The following D2HGDH variants were observed in gnomAD, a reference collection of about 807,000 sequenced individuals.
The protein encoded by D2HGDH is D-2-hydroxyglutarate dehydrogenase, mitochondrial.
A neutral mutation model predicts 46.9 loss-of-function variants in D2HGDH; 31 were observed. The observed-to-expected ratio is 0.66, with a 90% confidence interval of 0.50 to 0.89. The LOEUF (loss-of-function observed/expected upper bound fraction) is 0.89. D2HGDH is among the 40% of genes least tolerant of loss of function. The probability of loss-of-function intolerance (pLI) is 0.00; values close to 1 mark genes in which losing one functional copy is unlikely to be tolerated. For synonymous variants in D2HGDH, 364 were observed against 332.6 expected (o/e 1.09, Z -1.03); for missense variants, 698 against 720.8 (o/e 0.97, Z 0.36).
chr2:241,736,670 C>CTTTT (rs768906916), intron 2 of D2HGDH, among the ~76,000 whole-genome samples: 1 of 147,400 alleles, frequency 6.8e-6, no homozygotes, highest in Non-Finnish European at 1.5e-5. Context: ...ACCGTTTATC[C>CTTTT]GTTTTTTTTT....
intron 6 of D2HGDH, among the ~76,000 whole-genome samples, chr2:241,745,194 G>A (rs1290289372): frequency 6.6e-6 from 1 of 152,168 alleles, no homozygotes; most frequent in Non-Finnish European, 1.5e-5. Context: ...TAAGGTTGAG[G>A]GACATGCTGT....
intron 9 of D2HGDH, among the ~76,000 whole-genome samples, chr2:241,763,285 G>A (rs916851525): frequency 2.6e-5 from 4 of 152,252 alleles, no homozygotes; most frequent in African/African-American, 9.6e-5. Context: ...GCTGTGTGGT[G>A]TAGCCATTGC....
At chr2:241,759,868 TTC>T (rs1350832152) in intron 9 of D2HGDH, among the ~76,000 whole-genome samples, 1 of 152,292 alleles carries the variant, frequency 6.6e-6, no homozygotes, top group Non-Finnish European at 1.5e-5. Context: ...TGATGGTGAA[TTC>T]TCTGCGTCCA....
At chr2:241,754,112 G>A (rs546894503) in intron 8 of D2HGDH, among the ~76,000 whole-genome samples, 1 of 152,374 alleles carries the variant, frequency 6.6e-6, no homozygotes, top group African/African-American at 2.4e-5. Flanking sequence ...GGAGCTGAGT[G>A]ACTGAGGCGT....
chr2:241,739,559 G>C (rs1194989455), intron 2 of D2HGDH, among the ~76,000 whole-genome samples: 4 of 152,358 alleles, frequency 2.6e-5, no homozygotes, highest in East Asian at 1.9e-4. Context: ...GAGGTGACAG[G>C]CTCCCGTGAC....
chr2:241,743,365 G>A lies in D2HGDH; in HGVS notation c.491-257G>A, dbSNP rs1244539519. 6.6e-6 allele frequency among the ~76,000 whole-genome samples: 1 copy of A among 152,228 alleles called. No homozygotes were observed. The highest frequency in any genetic ancestry group is 6.5e-5 in the Admixed American group (1 of 15,282). The stretch of plus-strand genomic sequence containing the variant: ...CTTCTACTCCTTTCCACGAGTGTGT[G>A]TGGGGGTGGGAAGTTTTTTCCTCTC... On this transcript the variant is annotated intron_variant, in intron 4 of 9. Coordinates refer to ENST00000321264, the MANE Select transcript of D2HGDH (RefSeq NM_152783.5). This position sits in a 1 kb window ranked among gnomAD's most constrained non-coding sequence, Gnocchi z 4.8.
chr2:241,735,108 T>G, intron 1 of D2HGDH, 25 bp from the exon 2 acceptor site: 12 of 1,123,356 alleles, frequency 1.1e-5, no homozygotes, highest in South Asian at 1.8e-5. Flanking sequence ...GCATAAAACA[T>G]GAAATTACCC....
At chr2:241,751,820 G>T (rs1697257729) in intron 8 of D2HGDH, among the ~76,000 whole-genome samples, 1 of 152,172 alleles carries the variant, frequency 6.6e-6, no homozygotes, top group Admixed American at 6.5e-5. Flanking sequence ...TAGGAGGAAG[G>T]GGCGTTGACT....
rs1447354539 is a variant in D2HGDH at position 241,755,610 on chromosome 2, G to A, written c.1141-239G>A. 3 of 1,516,390 alleles carry A rather than the reference G, an allele frequency of 2.0e-6. No individual in the cohort carries two copies. In the South Asian group the frequency reaches 3.6e-5, roughly 18 times the overall value. 93.9% of individuals were successfully genotyped at this position (1,516,390 alleles called of 1,614,324 possible). ...TTCACTGTCTGGGATTGATTCCAGG[G>A]TTGGAGCCACACCTGGTCTGGGGCA... is the stretch of plus-strand genomic sequence containing the variant. On this transcript the variant is annotated intron_variant, in intron 8 of 9. Transcript: ENST00000321264.
intron 9 of D2HGDH, among the ~76,000 whole-genome samples, chr2:241,760,026 T>A (rs1319218825): frequency 6.6e-6 from 1 of 150,958 alleles, no homozygotes; most frequent in East Asian, 2.0e-4. Context: ...CCTTACCCAA[T>A]CAGTCGAAGG....
intron 7 of D2HGDH, among the ~76,000 whole-genome samples, chr2:241,750,829 G>C (rs553534123): frequency 2.6e-5 from 4 of 152,048 alleles, no homozygotes; most frequent in African/African-American, 9.6e-5. Context: ...CGATTCTTCT[G>C]CCTCAGCAGC....
chr2:241,744,821 C>T lies in D2HGDH; in HGVS notation c.797C>T (p.Thr266Ile), dbSNP rs1362539000. 1.2e-6 allele frequency: 2 copies of T among 1,614,168 alleles called. No individual in the cohort carries two copies. The highest frequency in any genetic ancestry group is 8.5e-7 in the Non-Finnish European group (1 of 1,180,036). The change falls in exon 6 of 10, where the codon ACC (threonine) becomes ATC (isoleucine). Residue 266 changes from threonine to isoleucine, a missense_variant. Thr to Ile is a moderately conservative substitution (Grantham distance 89). Transcript: ENST00000321264. ...IGSEGTLGII[T>I]TVSILCPPKP... is the part of the protein sequence containing the mutation. Reference sequence around the variant, plus strand: ...TCGGAGGGCACTTTGGGGATCATCACCACGGTGTCCATCTTGTGTCCACCC... The same window carrying T: ...TCGGAGGGCACTTTGGGGATCATCATCACGGTGTCCATCTTGTGTCCACCC...
chr2:241,748,694 G>A (rs922501495), intron 6 of D2HGDH: 7 of 508,764 alleles, frequency 1.4e-5, no homozygotes, highest in East Asian at 1.4e-4. Context: ...CCTCCTCCCC[G>A]CCCTCCACCT....
At chr2:241,758,865 G>C (rs923487505) in intron 9 of D2HGDH, among the ~76,000 whole-genome samples, 5 of 151,008 alleles carry the variant, frequency 3.3e-5, no homozygotes, top group Non-Finnish European at 7.4e-5. Context: ...CTTGAACTCC[G>C]GGGCCTCAAG....
At chr2:241,740,926 TGA>T (rs1694283067) in intron 2 of D2HGDH, 105 bp from the exon 3 acceptor site, 2 of 858,470 alleles carry the variant, frequency 2.3e-6, no homozygotes, top group South Asian at 1.4e-5. Context: ...GGCAACAGAG[TGA>T]GAGTCCGTCT....
chr2:241,745,876 G>A (rs1695727726), intron 6 of D2HGDH, among the ~76,000 whole-genome samples: 2 of 152,226 alleles, frequency 1.3e-5, no homozygotes, highest in African/African-American at 2.4e-5. Context: ...CGGTGGAAAC[G>A]CTGACCCGCT....
At position 241,768,322 on chromosome 2, in the gene D2HGDH, T is replaced by C. The variant is rs1699317710; in HGVS notation, c.*353T>C. 1 of 264,090 alleles carries C rather than the reference T, an allele frequency of 3.8e-6. No homozygotes were observed. Among genetic ancestry groups the C allele is most frequent in the Non-Finnish European group, 7.3e-6 (1 of 137,444 alleles). The allele number at this position is 264,090 out of a possible 1,614,324, so 16.4% of individuals were successfully genotyped here. ...CTGCTGCGGCCTGGGGAGCAGGCGC[T>C]GGGTGGTGGTTCTGCCTGCTTGCTG... On this transcript the variant is annotated 3_prime_UTR_variant, in exon 10 of 10. Transcript: ENST00000321264.
At chr2:241,764,409 C>G (rs1699095782) in intron 9 of D2HGDH, among the ~76,000 whole-genome samples, 1 of 152,230 alleles carries the variant, frequency 6.6e-6, no homozygotes, top group Non-Finnish European at 1.5e-5. Flanking sequence ...ATGAGTGATT[C>G]TCAAAGAGCT....
chr2:241,739,662 A>G (rs894667097), intron 2 of D2HGDH, among the ~76,000 whole-genome samples: 1 of 152,250 alleles, frequency 6.6e-6, no homozygotes, highest in Non-Finnish European at 1.5e-5. Context: ...TTGGGGCAGC[A>G]GTGGTTAGCA....
Sources: allele counts gnomAD v4.1 joint callset (sites outside exome capture counted in the v4.1 genomes callset), GRCh38; gene constraint gnomAD v4.1.1; non-coding constraint Gnocchi (gnomAD v3.1); transcripts MANE v1.5; gene names NCBI Gene and HGNC (gene_info 2026-07-23, HGNC 2026-07-21).